The following FGF13 variants were observed in gnomAD, a reference collection of about 807,000 sequenced individuals.
FGF13 encodes fibroblast growth factor 13.
In FGF13, 2 loss-of-function variants were observed where a neutral mutation model predicts 19.5. The observed-to-expected ratio is 0.10, with a 90% confidence interval of 0.04 to 0.32. FGF13 has a LOEUF of 0.32. Among genes scored for constraint, FGF13 ranks in the 10% least tolerant of loss-of-function variants. The pLI is 1.00. For missense variants in FGF13, 113 were observed against 192.7 expected (o/e 0.59, Z 2.45); for synonymous variants, 72 against 76.9 (o/e 0.94, Z 0.33).
At chrX:138,839,326 T>C (rs73241078) in intron 3 of FGF13, among the ~76,000 whole-genome samples, 7,094 of 111,171 alleles carry the variant, frequency 0.064, 239 homozygotes, top group Middle Eastern at 0.11. Flanking sequence ...GGTATTCTTT[T>C]ATAGCAGCAG....
intron 1 of FGF13, among the ~76,000 whole-genome samples, chrX:139,063,529 G>C: frequency 9.0e-6 from 1 of 111,478 alleles, no homozygotes; most frequent in Non-Finnish European, 1.9e-5. Context: ...ATAGGATTTT[G>C]CTAGATAACC....
chrX:138,895,417 C>T (rs377467366), intron 1 of FGF13, among the ~76,000 whole-genome samples: 1 of 111,823 alleles, frequency 8.9e-6, no homozygotes, highest in Non-Finnish European at 1.9e-5. Flanking sequence ...TTCAAATAGA[C>T]ATTTTCCCAA....
chrX:139,198,427 G>A (rs143579706), intron 1 of FGF13, among the ~76,000 whole-genome samples: 4 of 111,461 alleles, frequency 3.6e-5, no homozygotes, highest in Non-Finnish European at 7.5e-5. Flanking sequence ...ACTTAGCTCT[G>A]GACAGCCCTA....
intron 3 of FGF13, among the ~76,000 whole-genome samples, chrX:138,668,019 T>A (rs1330496337): frequency 9.0e-6 from 1 of 111,567 alleles, no homozygotes; most frequent in Non-Finnish European, 1.9e-5. Context: ...GACAATTTAA[T>A]ATATGATAGG....
chrX:138,696,194 AAG>A (rs1442599007), intron 3 of FGF13, among the ~76,000 whole-genome samples: 2 of 112,388 alleles, frequency 1.8e-5, no homozygotes, highest in Non-Finnish European at 3.8e-5. Context: ...TACAACATGT[AAG>A]AGTCTTCTAA....
intron 1 of FGF13, among the ~76,000 whole-genome samples, chrX:138,877,419 G>T (rs989825366): frequency 9.0e-6 from 1 of 111,332 alleles, no homozygotes; most frequent in African/African-American, 3.3e-5. Flanking sequence ...TTTTTAATGG[G>T]AATTTTTTAT....
intron 3 of FGF13, among the ~76,000 whole-genome samples, chrX:138,666,473 A>G (rs1256045011): frequency 9.0e-6 from 1 of 111,632 alleles, no homozygotes; most frequent in African/African-American, 3.2e-5. Context: ...AAGTTGGGAC[A>G]TGGCAAAGTG....
intron 1 of FGF13, among the ~76,000 whole-genome samples, chrX:139,110,573 G>A (rs984619775): frequency 4.5e-5 from 5 of 111,714 alleles, no homozygotes; most frequent in African/African-American, 1.6e-4. Flanking sequence ...TCCCAGCCAC[G>A]TGGAACTGTG....
intron 1 of FGF13, among the ~76,000 whole-genome samples, chrX:138,964,189 A>T (rs977010984): frequency 8.0e-5 from 9 of 111,818 alleles, no homozygotes; most frequent in African/African-American, 2.9e-4. Flanking sequence ...CTGAGAGAAG[A>T]GGCCTACAAC....
chrX:138,982,884 T>A (rs1481384382), intron 1 of FGF13, among the ~76,000 whole-genome samples: 1 of 112,538 alleles, frequency 8.9e-6, no homozygotes, highest in Non-Finnish European at 1.9e-5. Flanking sequence ...CATCTTTTCA[T>A]ATGCCTGTTG....
At chrX:138,720,260 CTGCTGTA>C (rs2090138615) in intron 1 of FGF13, among the ~76,000 whole-genome samples, 1 of 112,069 alleles carries the variant, frequency 8.9e-6, no homozygotes, top group African/African-American at 3.2e-5. Flanking sequence ...ATTTGAAGAC[CTGCTGTA>C]TGTCATCTCA....
intron 1 of FGF13, among the ~76,000 whole-genome samples, chrX:138,732,195 T>G (rs2124291065): frequency 8.9e-6 from 1 of 112,005 alleles, no homozygotes; most frequent in Non-Finnish European, 1.9e-5. Context: ...CTCAAAAAGT[T>G]AAACTTATAT....
At chrX:138,917,760 A>G (rs1380002149) in intron 1 of FGF13, among the ~76,000 whole-genome samples, 2 of 111,491 alleles carry the variant, frequency 1.8e-5, no homozygotes, top group African/African-American at 3.3e-5. Context: ...CTATGAACAT[A>G]TTTTGCTACA....
chrX:138,657,635 G>A (rs2089450877), intron 3 of FGF13, among the ~76,000 whole-genome samples: 1 of 111,977 alleles, frequency 8.9e-6, no homozygotes, highest in African/African-American at 3.2e-5. Flanking sequence ...TAATGGCTTT[G>A]ACTATATACT....
At chrX:138,951,521 T>C (rs1477830838) in intron 1 of FGF13, among the ~76,000 whole-genome samples, 2 of 111,659 alleles carry the variant, frequency 1.8e-5, no homozygotes, top group East Asian at 5.6e-4. Context: ...AGAACTTATA[T>C]TCATAACTCC....
intron 3 of FGF13, among the ~76,000 whole-genome samples, chrX:138,836,505 G>A (rs982314875): frequency 4.5e-5 from 5 of 111,998 alleles, no homozygotes; most frequent in African/African-American, 1.6e-4. Context: ...ACTGCATTAT[G>A]AAAGTCTTGT....
At chrX:138,713,697 T>G (rs1412569163), upstream of FGF13, among the ~76,000 whole-genome samples, 1 of 112,055 alleles carries the variant, frequency 8.9e-6, no homozygotes, top group Non-Finnish European at 1.9e-5. Flanking sequence ...CACTGTTTGC[T>G]TCTGCAAACA....
intron 1 of FGF13, among the ~76,000 whole-genome samples, chrX:139,188,878 T>C (rs1225395481): frequency 1.8e-5 from 2 of 112,203 alleles, no homozygotes; most frequent in African/African-American, 6.5e-5. Context: ...CAAACATTTA[T>C]TGCATTTGCC....
chrX:138,789,811 C>T (rs192972906), intron 3 of FGF13, among the ~76,000 whole-genome samples: 66 of 107,851 alleles, frequency 6.1e-4, no homozygotes, highest in African/African-American at 1.9e-3. Context: ...TGTGGGAGGC[C>T]GAGGCGGGTG....
Sources: allele counts gnomAD v4.1 joint callset (sites outside exome capture counted in the v4.1 genomes callset), GRCh38; gene constraint gnomAD v4.1.1; transcripts MANE v1.5; gene names NCBI Gene and HGNC (gene_info 2026-07-23, HGNC 2026-07-21).